Variants in PCDH7 observed in about 807,000 individuals in gnomAD.
PCDH7 encodes the protein protocadherin 7.
In PCDH7, 17 loss-of-function variants were observed where a neutral mutation model predicts 58.9. The ratio of observed to expected loss-of-function variants is 0.29; its 90% CI spans 0.20 to 0.43. The LOEUF (loss-of-function observed/expected upper bound fraction) is 0.43. PCDH7 is among the 20% of genes least tolerant of loss of function. The probability of loss-of-function intolerance (pLI) is 1.00; values close to 1 mark genes in which losing one functional copy is unlikely to be tolerated. For synonymous variants in PCDH7, 664 were observed against 616.4 expected (o/e 1.08, Z -1.14); for missense variants, 1,274 against 1,441.0 (o/e 0.88, Z 1.88).
intron 3 of PCDH7, among the ~76,000 whole-genome samples, chr4:31,135,136 T>C (rs1274775271): frequency 6.6e-6 from 1 of 152,154 alleles, no homozygotes; most frequent in Non-Finnish European, 1.5e-5. Flanking sequence ...TGTGTTTAGG[T>C]TGTCTTGTCC....
intron 1 of PCDH7, among the ~76,000 whole-genome samples, chr4:30,778,903 G>A (rs984399681): frequency 1.4e-5 from 2 of 142,466 alleles, no homozygotes; most frequent in African/African-American, 5.3e-5. Context: ...GGTCTGCAAT[G>A]TTATATTGAA....
intron 1 of PCDH7, among the ~76,000 whole-genome samples, chr4:30,863,636 A>G (rs545510038): frequency 6.6e-6 from 1 of 152,226 alleles, no homozygotes; most frequent in African/African-American, 2.4e-5. Flanking sequence ...GGAAAGAGGA[A>G]AGACTCTCAA....
chr4:30,806,829 G>A (rs1726276491), intron 1 of PCDH7, among the ~76,000 whole-genome samples: 1 of 151,710 alleles, frequency 6.6e-6, no homozygotes, highest in African/African-American at 2.4e-5. Context: ...ACCTTAATTT[G>A]CCCATGTTGA....
chr4:31,084,385 A>G (rs1712038921), intron 3 of PCDH7, among the ~76,000 whole-genome samples: 1 of 152,084 alleles, frequency 6.6e-6, no homozygotes, highest in African/African-American at 2.4e-5. Flanking sequence ...AGTTAAAAGT[A>G]TGGCTATTGA....
intron 2 of PCDH7, among the ~76,000 whole-genome samples, chr4:30,948,456 T>C (rs1340181403): frequency 6.6e-6 from 1 of 152,142 alleles, no homozygotes; most frequent in African/African-American, 2.4e-5. Context: ...TATTTAAATG[T>C]ACAAAAAATT....
rs758707320 is a variant in PCDH7 at position 30,979,874 on chromosome 4, C to T, written c.*7+29659C>T. 2.3e-3 allele frequency among the ~76,000 whole-genome samples: 351 copies of T among 152,138 alleles called. 6 individuals carry two copies. Among genetic ancestry groups the T allele is most frequent in the Non-Finnish European group, 6.8e-4 (46 of 68,004 alleles). ...ACACTCCACACACTGCTTAATATTACCAACTAGCAAATTTTTGTCCACAGC... is the reference window on the plus strand; with the variant it reads ...ACACTCCACACACTGCTTAATATTATCAACTAGCAAATTTTTGTCCACAGC... On this transcript the variant is annotated intron_variant, in intron 3 of 3. Coordinates refer to the PCDH7 transcript ENST00000509759.
chr4:30,792,727 G>A (rs1439033483), intron 1 of PCDH7, among the ~76,000 whole-genome samples: 1 of 152,068 alleles, frequency 6.6e-6, no homozygotes, highest in African/African-American at 2.4e-5. Context: ...GAGCTGAGGG[G>A]GATCCAGGTC....
At chr4:30,937,934 A>G (rs1578352973) in intron 2 of PCDH7, among the ~76,000 whole-genome samples, 1 of 150,800 alleles carries the variant, frequency 6.6e-6, no homozygotes, top group Non-Finnish European at 1.5e-5. Context: ...CTAATAATTG[A>G]CCTCGTCATT....
chr4:30,945,451 T>G (rs1746552914), intron 2 of PCDH7, among the ~76,000 whole-genome samples: 1 of 152,148 alleles, frequency 6.6e-6, no homozygotes, highest in Admixed American at 6.6e-5. Context: ...ACTTATTCTT[T>G]TAAATCTCAG....
intron 3 of PCDH7, among the ~76,000 whole-genome samples, chr4:31,066,962 G>A (rs28694628): frequency 0.026 from 3,979 of 152,016 alleles, 180 homozygotes; most frequent in African/African-American, 0.09. Context: ...CATCCCCAGG[G>A]ATAGTGGATG....
chr4:31,144,219 C>A (rs553703921), downstream of PCDH7: 3 of 152,224 alleles, frequency 2.0e-5, no homozygotes, highest in South Asian at 2.1e-4. Context: ...CAAGGTGACA[C>A]CCTAGTTGAC....
chr4:30,936,765 A>T (rs2109431727), intron 2 of PCDH7, among the ~76,000 whole-genome samples: 1 of 152,246 alleles, frequency 6.6e-6, no homozygotes, highest in East Asian at 1.9e-4. Context: ...TTGGGAAGAG[A>T]CTAATAGATT....
At chr4:30,969,743 A>G (rs548556564) in intron 3 of PCDH7, among the ~76,000 whole-genome samples, 171 of 152,320 alleles carry the variant, frequency 1.1e-3, no homozygotes, top group African/African-American at 3.9e-3. Context: ...TCTTGTATCT[A>G]TGTAAATGGA....
intron 3 of PCDH7, among the ~76,000 whole-genome samples, chr4:31,004,881 G>A (rs953041860): frequency 4.6e-5 from 7 of 151,890 alleles, no homozygotes; most frequent in African/African-American, 1.5e-4. Flanking sequence ...TAGTGACAAC[G>A]ACAATCAAAC....
Position 30,722,037 on chromosome 4 carries a change from C to T in PCDH7, c.615C>T (p.Pro205=), listed in dbSNP as rs1221656076. 5.6e-6 allele frequency: 7 copies of T among 1,247,616 alleles called. No homozygotes were observed. In the African/African-American group the frequency reaches 9.4e-5, roughly 17 times the overall value. 77.3% of individuals were successfully genotyped at this position (1,247,616 alleles called of 1,614,324 possible). Residue 205 remains proline, a synonymous_variant, in exon 1 of 2, where the codon CCC becomes CCT. Coordinates refer to ENST00000361762, the Ensembl canonical transcript of PCDH7. The surrounding 1 kb of genome is among the most constrained non-coding windows in gnomAD (Gnocchi z 7.6). ...GCGCCGGGGCGGCCGACAGCGCCCC[C>T]TACCCCGGGGGCGGCGGGAACGGCG...
chr4:30,794,681 T>C (rs1033028517), intron 1 of PCDH7, among the ~76,000 whole-genome samples: 1 of 152,162 alleles, frequency 6.6e-6, no homozygotes, highest in Non-Finnish European at 1.5e-5. Flanking sequence ...ACTTTTTTTT[T>C]AGTAGGGATT....
At chr4:30,858,044 C>T (rs1733712062) in intron 1 of PCDH7, among the ~76,000 whole-genome samples, 1 of 152,060 alleles carries the variant, frequency 6.6e-6, no homozygotes, top group African/African-American at 2.4e-5. Context: ...AATATTTTGG[C>T]AAATTTATAT....
chr4:31,028,072 C>T (rs558074695), intron 3 of PCDH7, among the ~76,000 whole-genome samples: 1 of 151,836 alleles, frequency 6.6e-6, no homozygotes, highest in East Asian at 1.9e-4. Context: ...TTTTTTAATA[C>T]AAGAGAAATA....
rs781622062 is a variant in PCDH7 at position 30,721,487 on chromosome 4, C to A, written c.65C>A (p.Pro22Gln). 1 of 1,592,544 alleles carries A rather than the reference C, an allele frequency of 6.3e-7. No homozygotes were observed. Among genetic ancestry groups the A allele is most frequent in the Non-Finnish European group, 8.5e-7 (1 of 1,174,952 alleles). The change falls in exon 1 of 2, where the codon CCG (proline) becomes CAG (glutamine). Residue 22 changes from proline to glutamine, a missense_variant. Pro to Gln is a moderately conservative substitution (Grantham distance 76). Transcript: ENST00000361762. The surrounding 1 kb of genome is among the most constrained non-coding windows in gnomAD (Gnocchi z 6.7). ...TGCTTGGGCTGCTGCCTCCTCCTGC[C>A]GCTCTCGCTCAGCCTGGCGGCCGCC...
Sources: allele counts gnomAD v4.1 joint callset (sites outside exome capture counted in the v4.1 genomes callset), GRCh38; gene constraint gnomAD v4.1.1; non-coding constraint Gnocchi (gnomAD v3.1); transcripts MANE v1.5; gene names NCBI Gene and HGNC (gene_info 2026-07-23, HGNC 2026-07-21).